COL19A1: variants seen among roughly 807,000 people sequenced by gnomAD.
COL19A1 encodes the protein collagen alpha-1(XIX) chain.
Under a neutral mutation model 190.2 loss-of-function variants are expected in COL19A1, and 159 were observed. The ratio of observed to expected loss-of-function variants is 0.84; its 90% CI spans 0.73 to 0.95. The LOEUF (loss-of-function observed/expected upper bound fraction) is 0.95, where lower values mean the gene tolerates loss of function less well. Ranked by LOEUF, COL19A1 falls within the 40% of genes least tolerant of loss-of-function variation. The probability of loss-of-function intolerance (pLI) is 0.00; values close to 1 mark genes in which losing one functional copy is unlikely to be tolerated. For synonymous variants in COL19A1, 509 were observed against 458.9 expected, an observed-to-expected ratio of 1.11 and a Z score of -1.39; for missense variants, 1,418 against 1,431.9, an observed-to-expected ratio of 0.99 and a Z score of 0.16.
chr6:70,090,854 A>G (rs1782880162), intron 15 of COL19A1, among the ~76,000 whole-genome samples: 1 of 152,026 alleles, frequency 6.6e-6, no homozygotes, highest in Admixed American at 6.6e-5. Flanking sequence ...CCAACCACAC[A>G]CTTGCTCTTC....
chr6:69,898,865 T>G, intron 2 of COL19A1, 83 bp from the exon 3 acceptor site: 1 of 817,124 alleles, frequency 1.2e-6, no homozygotes, highest in Non-Finnish European at 2.0e-6. Context: ...TTATTTCCAT[T>G]TTATCTTAAG....
chr6:70,133,405 A>T (rs940094382), intron 18 of COL19A1, among the ~76,000 whole-genome samples: 4 of 152,138 alleles, frequency 2.6e-5, no homozygotes, highest in African/African-American at 9.7e-5. Context: ...AGGGAGAACC[A>T]CGACTTGCAG....
At position 69,897,323 on chromosome 6, in the gene COL19A1, C is replaced by T. The variant is rs562458420; in HGVS notation, c.92-1625C>T. Among the ~76,000 whole-genome samples the T allele has an allele frequency of 2.0e-5, 3 of 152,238 alleles. 1 individual carries two copies. The South Asian group carries it at 6.2e-4, about 32-fold the overall frequency. On this transcript the variant is annotated intron_variant, in intron 2 of 50. Coordinates refer to ENST00000620364, the MANE Select transcript of COL19A1 (RefSeq NM_001858.6). ...ATGTTTGTGTTTTTCCATATGTGTA[C>T]CAACCCCACAGTATAAAAAAATTTA...
chr6:69,939,310 G>A (rs1460059282), intron 9 of COL19A1, among the ~76,000 whole-genome samples: 1 of 152,000 alleles, frequency 6.6e-6, no homozygotes, highest in Non-Finnish European at 1.5e-5. Flanking sequence ...TATACCAATA[G>A]CAAGTATTTG....
chr6:70,188,378 C>T, intron 47 of COL19A1, 133 bp downstream of exon 47: 2 of 1,070,048 alleles, frequency 1.9e-6, no homozygotes, highest in Non-Finnish European at 2.6e-6. Flanking sequence ...GCAATAATAG[C>T]TGTCATTTAA....
At chr6:69,907,727 T>C (rs1468308853) in intron 4 of COL19A1, among the ~76,000 whole-genome samples, 1 of 152,224 alleles carries the variant, frequency 6.6e-6, no homozygotes, top group African/African-American at 2.4e-5. Context: ...CAGAAGTTCC[T>C]AAAATGTTTC....
intron 9 of COL19A1, among the ~76,000 whole-genome samples, chr6:69,942,121 A>G (rs557278360): frequency 1.4e-4 from 21 of 152,142 alleles, no homozygotes; most frequent in Non-Finnish European, 2.8e-4. Flanking sequence ...GGTGCATTTT[A>G]CTTTTGGCCC....
Position 70,199,707 on chromosome 6 carries a change from C to G in COL19A1, c.3194C>G (p.Pro1065Arg). 1 of 1,611,294 alleles carries G rather than the reference C, an allele frequency of 6.2e-7. No homozygotes were observed. The highest frequency in any genetic ancestry group is 1.1e-5 in the South Asian group (1 of 90,542). The change falls in exon 49 of 51, where the codon CCT (proline) becomes CGT (arginine). Residue 1065 changes from proline to arginine, a missense_variant. Transcript: ENST00000620364. The part of the protein sequence containing the change: ...RPGPPGKDGL[P>R]GPPGDPGPQG... ...GGGCCACCAGGGAAGGATGGGTTGC[C>G]TGGGCCACCAGGAGACCCTGGACCC...
chr6:70,041,584 A>G (rs1779635628), intron 14 of COL19A1, among the ~76,000 whole-genome samples: 2 of 152,206 alleles, frequency 1.3e-5, no homozygotes, highest in Admixed American at 6.5e-5. Context: ...GAGGATGGGA[A>G]TATCTAAGTA....
At chr6:69,909,964 C>T (rs1770800303) in intron 4 of COL19A1, among the ~76,000 whole-genome samples, 1 of 152,164 alleles carries the variant, frequency 6.6e-6, no homozygotes, top group African/African-American at 2.4e-5. Context: ...GTAGAGATTA[C>T]ATCCAACTGA....
intron 14 of COL19A1, among the ~76,000 whole-genome samples, chr6:70,057,430 A>C (rs1780566181): frequency 6.6e-6 from 1 of 152,130 alleles, no homozygotes; most frequent in African/African-American, 2.4e-5. Context: ...TAAAAGACAA[A>C]ATTACCAAAA....
intron 14 of COL19A1, among the ~76,000 whole-genome samples, chr6:70,064,289 G>A (rs1781037047): frequency 6.6e-6 from 1 of 152,016 alleles, no homozygotes; most frequent in South Asian, 2.1e-4. Context: ...ATGATCAAGT[G>A]GGCTTCATCC....
chr6:70,008,782 A>G (rs1371034772), intron 11 of COL19A1, among the ~76,000 whole-genome samples: 2 of 152,088 alleles, frequency 1.3e-5, no homozygotes, highest in Admixed American at 1.3e-4. Context: ...ACACACACAT[A>G]TACATAAAAA....
At chr6:69,914,712 G>A (rs1771181114) in intron 4 of COL19A1, among the ~76,000 whole-genome samples, 2 of 152,082 alleles carry the variant, frequency 1.3e-5, no homozygotes, top group Admixed American at 6.5e-5. Flanking sequence ...TATCAAAATA[G>A]CACTTTGCTT....
rs9360408 is a variant in COL19A1 at position 69,898,092 on chromosome 6, C to A, written c.92-856C>A. Among the ~76,000 whole-genome samples, 184 of 152,216 alleles carry A rather than the reference C, an allele frequency of 1.2e-3. 4 individuals carry two copies. The East Asian group carries it at 0.03, about 25-fold the overall frequency. ...TATTAAAAACTTCTTAGTTATTAAA[C>A]CCAAACATCAATTTTAGACATAGAG... On this transcript the variant is annotated intron_variant, in intron 2 of 50. Coordinates refer to ENST00000620364, the MANE Select transcript of COL19A1 (RefSeq NM_001858.6).
intron 14 of COL19A1, among the ~76,000 whole-genome samples, chr6:70,046,394 A>T (rs1233722943): frequency 1.3e-5 from 2 of 152,180 alleles, no homozygotes; most frequent in African/African-American, 4.8e-5. Context: ...CAAATTCCAT[A>T]CAATGGCCTA....
rs1437433982 is a variant in COL19A1 at position 70,209,454 on chromosome 6, A to G, written c.*2180A>G. The G allele has an allele frequency of 1.3e-5, 2 of 152,114 alleles. No individual in the cohort carries two copies. Among genetic ancestry groups the G allele is most frequent in the Non-Finnish European group, 2.9e-5 (2 of 68,008 alleles). 9.4% of individuals were successfully genotyped at this position (152,114 alleles called of 1,614,324 possible). A position where few individuals can be genotyped will look rare whatever the true frequency, so the allele number is the denominator to read the frequency against. On this transcript the variant is annotated 3_prime_UTR_variant, in exon 51 of 51. Transcript: ENST00000620364. Reference sequence around the variant, plus strand: ...TTGAGTTGTTCTTGTCATAGACATAAAAAGACAATTCATTTTCTTGTTTTA... The same window carrying G: ...TTGAGTTGTTCTTGTCATAGACATAGAAAGACAATTCATTTTCTTGTTTTA...
In COL19A1 at chr6:70,142,831, T is replaced by A; in HGVS notation, c.1626+11T>A. 1 of 1,609,086 alleles carries A rather than the reference T, an allele frequency of 6.2e-7. No homozygotes were observed. Among genetic ancestry groups the A allele is most frequent in the Non-Finnish European group, 8.5e-7 (1 of 1,177,186 alleles). On this transcript the variant is annotated intron_variant, in intron 23 of 50. Coordinates refer to ENST00000620364, the MANE Select transcript of COL19A1 (RefSeq NM_001858.6). The stretch of plus-strand genomic sequence containing the variant: ...CCGCCAGGAGATGTTGTATGTATAA[T>A]GTCTTTGATATTTCTGGAATTGAAA...
At chr6:69,959,097 A>G (rs1332805238) in intron 9 of COL19A1, among the ~76,000 whole-genome samples, 1 of 152,194 alleles carries the variant, frequency 6.6e-6, no homozygotes, top group Non-Finnish European at 1.5e-5. Flanking sequence ...TCTATTGAGA[A>G]TATGCACATC....
Sources: allele counts gnomAD v4.1 joint callset (sites outside exome capture counted in the v4.1 genomes callset), GRCh38; gene constraint gnomAD v4.1.1; transcripts MANE v1.5; gene names NCBI Gene and HGNC (gene_info 2026-07-23, HGNC 2026-07-21).